The following TJP1 variants were observed in gnomAD, a reference collection of about 807,000 sequenced individuals.
TJP1 encodes tight junction protein ZO-1.
Under a neutral mutation model 194.2 loss-of-function variants are expected in TJP1, and 43 were observed. The ratio of observed to expected loss-of-function variants is 0.22; its 90% CI spans 0.17 to 0.29. The LOEUF (loss-of-function observed/expected upper bound fraction) is 0.29, where lower values mean the gene tolerates loss of function less well. Ranked by LOEUF, TJP1 falls within the 10% of genes least tolerant of loss-of-function variation. The pLI is 1.00. For missense variants in TJP1, 1,971 were observed against 2,185.7 expected (o/e 0.90, Z 1.96); for synonymous variants, 801 against 779.0 (o/e 1.03, Z -0.47).
intron 2 of TJP1, among the ~76,000 whole-genome samples, chr15:29,932,281 A>T (rs533058955): frequency 6.6e-6 from 1 of 152,324 alleles, no homozygotes; most frequent in African/African-American, 2.4e-5. Context: ...GTTTCTACAC[A>T]GGGAGAGGTA....
chr15:29,821,961 G>C, intron 1 of TJP1, 41 bp downstream of exon 1: 3 of 1,229,294 alleles, frequency 2.4e-6, no homozygotes, highest in Non-Finnish European at 3.0e-6. Flanking sequence ...GGGCGGCGAC[G>C]GTCGGCCCGG....
intron 2 of TJP1, among the ~76,000 whole-genome samples, chr15:29,844,593 G>C (rs955866781): frequency 6.6e-6 from 1 of 152,130 alleles, no homozygotes; most frequent in Non-Finnish European, 1.5e-5. Context: ...GGAGAAAGCG[G>C]GGAGTCAAGA....
chr15:29,789,421 C>A lies in TJP1; in HGVS notation c.84+11225G>T, dbSNP rs574623169. On this transcript the variant is annotated intron_variant, in intron 2 of 27. Coordinates refer to ENST00000614355, the MANE Select transcript of TJP1 (RefSeq NM_001330239.4). ...TGAGGACCAGTAGAGAGATCAGAAT[C>A]CATGAGGAGGCAAATTCTGCCTGTT... Among the ~76,000 whole-genome samples the A allele has an allele frequency of 3.3e-5, 5 of 152,234 alleles. No individual in the cohort carries two copies. The South Asian group carries it at 1.0e-3, about 32-fold the overall frequency.
chr15:29,821,609 G>A (rs984121254), intron 1 of TJP1: 2 of 152,376 alleles, frequency 1.3e-5, no homozygotes, highest in Admixed American at 6.5e-5. Context: ...AGCAGGAGGT[G>A]GCACCCCAAG....
chr15:29,894,594 T>C (rs2053418773), intron 2 of TJP1, among the ~76,000 whole-genome samples: 1 of 152,226 alleles, frequency 6.6e-6, no homozygotes, highest in South Asian at 2.1e-4. Flanking sequence ...ATGGCTTTGC[T>C]GAGCACAGCC....
chr15:29,961,134 AT>A (rs1567238844), intron 1 of TJP1, among the ~76,000 whole-genome samples: 1 of 152,122 alleles, frequency 6.6e-6, no homozygotes, highest in East Asian at 1.9e-4. Flanking sequence ...TCCATTTGAC[AT>A]GGAATATAAA....
Position 29,801,713 on chromosome 15 carries a change from G to A in TJP1, c.28-1011C>T, listed in dbSNP as rs549001249. 1.7e-3 allele frequency among the ~76,000 whole-genome samples: 262 copies of A among 151,602 alleles called. 1 individual carries two copies. Among genetic ancestry groups the A allele is most frequent in the African/African-American group, 5.9e-3 (246 of 41,370 alleles). ...CCTGACCTCCTGATCCGCCCGCCTC[G>A]GCCTCCCAAAGTGCTGGGATTACAG... is the stretch of plus-strand genomic sequence containing the variant. On this transcript the variant is annotated intron_variant, in intron 1 of 27. Coordinates refer to ENST00000614355, the MANE Select transcript of TJP1 (RefSeq NM_001330239.4).
At chr15:29,797,174 A>T (rs1174448449) in intron 2 of TJP1, among the ~76,000 whole-genome samples, 3 of 152,190 alleles carry the variant, frequency 2.0e-5, no homozygotes, top group Non-Finnish European at 2.9e-5. Flanking sequence ...TTTGAGACAG[A>T]GTCTTACTCT....
At chr15:29,707,331 T>A (rs45478495) in intron 25 of TJP1, among the ~76,000 whole-genome samples, 4,603 of 152,100 alleles carry the variant, frequency 0.03, 82 homozygotes, top group Middle Eastern at 0.078. Flanking sequence ...CAGAATTACA[T>A]GAAGGTAGCT....
intron 2 of TJP1, among the ~76,000 whole-genome samples, chr15:29,946,121 C>A (rs537912542): frequency 6.6e-6 from 1 of 152,316 alleles, no homozygotes; most frequent in East Asian, 1.9e-4. Context: ...GAGAGCCAGG[C>A]TGAAGGAGCT....
intron 15 of TJP1, among the ~76,000 whole-genome samples, chr15:29,731,778 A>G (rs1294470540): frequency 6.6e-6 from 1 of 151,994 alleles, no homozygotes; most frequent in Non-Finnish European, 1.5e-5. Flanking sequence ...AAGTATCTTT[A>G]ATAAAGCTGG....
Position 29,701,679 on chromosome 15 carries a change from T to A in TJP1, c.5223A>T (p.Lys1741Asn). The A allele has an allele frequency of 1.2e-6, 2 of 1,613,988 alleles. No individual in the cohort carries two copies. The highest frequency in any genetic ancestry group is 1.7e-6 in the Non-Finnish European group (2 of 1,179,870). ...KSSDSSSGDP[K>N]TWQNKCLPGD... The stretch of plus-strand genomic sequence containing the variant: ...CGGGAAGACACTTGTTTTGCCAGGT[T>A]TTAGGATCACCTATGAGAGAAAAGA... The change falls in exon 28 of 28, where the codon AAA (lysine) becomes AAT (asparagine). Residue 1741 changes from lysine (K) to asparagine (N), a missense_variant. By Grantham distance (94) the Lys-to-Asn change is moderately conservative. Coordinates refer to ENST00000614355, the MANE Select transcript of TJP1 (RefSeq NM_001330239.4).
chr15:29,822,056 C>A lies in TJP1; in HGVS notation c.-28G>T, dbSNP rs868312670. 8 of 1,285,686 alleles carry A rather than the reference C, an allele frequency of 6.2e-6. No homozygotes were observed. The highest frequency in any genetic ancestry group is 2.7e-5 in the South Asian group (1 of 37,348). The allele number at this position is 1,285,686 out of a possible 1,614,324, so 79.6% of individuals were successfully genotyped here. A position where few individuals can be genotyped will look rare whatever the true frequency, so the allele number is the denominator to read the frequency against. ...TGTCTCTCTCCAGCGCCGCGCGAGG[C>A]TCCTCGGACCCGAAACTCCGCGGCG... On this transcript the variant is annotated 5_prime_UTR_variant, in exon 1 of 28. Transcript: ENST00000614355.
chr15:29,942,041 C>T (rs1037121947), intron 2 of TJP1, among the ~76,000 whole-genome samples: 65 of 152,190 alleles, frequency 4.3e-4, no homozygotes, highest in African/African-American at 1.6e-3. Flanking sequence ...AAGCAAAATC[C>T]AGGAACTGCT....
chr15:29,800,734 C>A lies in TJP1; in HGVS notation c.28-32G>T, dbSNP rs1432549128. 3.1e-6 allele frequency: 5 copies of A among 1,608,940 alleles called. No homozygotes were observed. The East Asian group carries it at 8.9e-5, about 29-fold the overall frequency. On this transcript the variant is annotated intron_variant, in intron 1 of 27. Coordinates refer to ENST00000614355, the MANE Select transcript of TJP1 (RefSeq NM_001330239.4). ...AAGGAAAAGAAAAACAAATCATTTA[C>A]CTTTTAAGAAAATGTCCTTAATAAG...
chr15:29,938,698 A>G (rs1019957616), intron 2 of TJP1, among the ~76,000 whole-genome samples: 2 of 152,242 alleles, frequency 1.3e-5, no homozygotes, highest in African/African-American at 4.8e-5. Context: ...AATTGCTTCC[A>G]GCAATTCGAA....
At chr15:29,947,023 T>G (rs2055309190) in intron 2 of TJP1, among the ~76,000 whole-genome samples, 1 of 152,256 alleles carries the variant, frequency 6.6e-6, no homozygotes, top group African/African-American at 2.4e-5. Context: ...GCTGCATTTT[T>G]TTGTTGTTCT....
intron 2 of TJP1, among the ~76,000 whole-genome samples, chr15:29,859,558 T>G (rs955549542): frequency 6.6e-6 from 1 of 151,744 alleles, no homozygotes; most frequent in African/African-American, 2.4e-5. Flanking sequence ...TTGTGGGTGC[T>G]CCCACCCACA....
chr15:29,819,585 T>C (rs774526971), intron 1 of TJP1, among the ~76,000 whole-genome samples: 29 of 152,220 alleles, frequency 1.9e-4, no homozygotes, highest in Non-Finnish European at 3.8e-4. Context: ...TCTAACAAGT[T>C]TCCTGATACG....
Sources: allele counts gnomAD v4.1 joint callset (sites outside exome capture counted in the v4.1 genomes callset), GRCh38; gene constraint gnomAD v4.1.1; transcripts MANE v1.5; gene names NCBI Gene and HGNC (gene_info 2026-07-23, HGNC 2026-07-21).